The following TSPAN11 variants were observed in gnomAD, a reference collection of about 807,000 sequenced individuals.
TSPAN11 encodes the protein tetraspanin 11, also known as tetraspanin-11.
In TSPAN11, 29 loss-of-function variants were observed where a neutral mutation model predicts 32.9. That is an observed-to-expected ratio of 0.88 (90% confidence interval 0.66 to 1.20). The LOEUF (loss-of-function observed/expected upper bound fraction) is 1.20, where lower values mean the gene tolerates loss of function less well. TSPAN11 is among the 50% of genes most tolerant of loss of function. The pLI is 0.00. For synonymous variants in TSPAN11, 140 were observed against 141.3 expected (o/e 0.99, Z 0.07); for missense variants, 283 against 329.1 (o/e 0.86, Z 1.08).
chr12:30,996,885 G>C (rs909459870), downstream of TSPAN11, among the ~76,000 whole-genome samples: 2 of 152,144 alleles, frequency 1.3e-5, no homozygotes, highest in Admixed American at 6.5e-5. Flanking sequence ...TCCTCTTCAG[G>C]CTTCCTCCCT....
intron 3 of TSPAN11, among the ~76,000 whole-genome samples, chr12:30,977,533 C>T (rs1206375732): frequency 6.6e-5 from 9 of 135,458 alleles, no homozygotes; most frequent in Non-Finnish European, 1.6e-4. Context: ...ATCAGTAGTG[C>T]TCCCCCTCTC....
chr12:30,976,801 A>C (rs1309810181), intron 3 of TSPAN11, among the ~76,000 whole-genome samples: 1 of 152,202 alleles, frequency 6.6e-6, no homozygotes, highest in African/African-American at 2.4e-5. Flanking sequence ...GACCCCTGGC[A>C]TATGTGCCCC....
intron 7 of TSPAN11, among the ~76,000 whole-genome samples, chr12:30,983,553 A>ATG (rs375417406): frequency 1.3e-5 from 2 of 151,968 alleles, no homozygotes; most frequent in African/African-American, 2.4e-5. Flanking sequence ...GTGCTTGTGC[A>ATG]TGTGTGTGTG....
At chr12:30,934,096 A>G (rs1379271818) in intron 1 of TSPAN11, among the ~76,000 whole-genome samples, 4 of 152,152 alleles carry the variant, frequency 2.6e-5, no homozygotes, top group Non-Finnish European at 4.4e-5. Flanking sequence ...TGGCTTTCAG[A>G]GTCATGATTA....
intron 1 of TSPAN11, among the ~76,000 whole-genome samples, chr12:30,949,087 A>G (rs1938326378): frequency 6.6e-6 from 1 of 152,142 alleles, no homozygotes; most frequent in Non-Finnish European, 1.5e-5. Flanking sequence ...CAAGTTCCTC[A>G]TCTCCATCTG....
chr12:30,936,205 C>CCTT (rs1938041503), intron 1 of TSPAN11, among the ~76,000 whole-genome samples: 2 of 152,218 alleles, frequency 1.3e-5, no homozygotes, highest in African/African-American at 4.8e-5. Flanking sequence ...GCTCTTCCTT[C>CCTT]AAAACCCTTG....
intron 3 of TSPAN11, among the ~76,000 whole-genome samples, chr12:30,968,102 C>A (rs1041828203): frequency 2.0e-5 from 3 of 152,158 alleles, no homozygotes; most frequent in East Asian, 1.9e-4. Flanking sequence ...TTCATTTTGT[C>A]CCCTCCATGT....
In TSPAN11 at chr12:30,994,462, C is replaced by T. The variant is rs1939378426; in HGVS notation, c.*2547C>T. The T allele has an allele frequency of 6.6e-6, 1 of 152,254 alleles. No homozygotes were observed. Among genetic ancestry groups the T allele is most frequent in the African/African-American group, 2.4e-5 (1 of 41,462 alleles). The allele number at this position is 152,254 out of a possible 1,614,324, so 9.4% of individuals were successfully genotyped here. ...TGGGATCCCACCCAGCTGGCACGGGCACGTTCTTGCCCTGCACACTCCATG... is the reference window on the plus strand; with the variant it reads ...TGGGATCCCACCCAGCTGGCACGGGTACGTTCTTGCCCTGCACACTCCATG... On this transcript the variant is annotated 3_prime_UTR_variant, in exon 8 of 8. Coordinates refer to ENST00000546076, the MANE Select transcript of TSPAN11 (RefSeq NM_001370302.1).
At chr12:30,943,274 G>A (rs1810446598) in intron 1 of TSPAN11, among the ~76,000 whole-genome samples, 1 of 152,158 alleles carries the variant, frequency 6.6e-6, no homozygotes, top group Non-Finnish European at 1.5e-5. Flanking sequence ...TCTGCACAAG[G>A]AAAAGTCAAA....
intron 3 of TSPAN11, among the ~76,000 whole-genome samples, chr12:30,976,008 C>T (rs1044267742): frequency 2.0e-5 from 3 of 152,124 alleles, no homozygotes; most frequent in Non-Finnish European, 4.4e-5. Context: ...AGAAAGGAGC[C>T]GCAGGGCCCA....
chr12:30,937,393 A>C (rs962763482), intron 1 of TSPAN11, among the ~76,000 whole-genome samples: 5 of 151,732 alleles, frequency 3.3e-5, no homozygotes, highest in Admixed American at 1.3e-4. Flanking sequence ...CACAGGACTA[A>C]TTTGTTGCTT....
chr12:30,989,915 G>A (rs35078), intron 7 of TSPAN11, among the ~76,000 whole-genome samples: 11,055 of 152,206 alleles, frequency 0.073, 502 homozygotes, highest in East Asian at 0.19. Flanking sequence ...ATAGCACCAG[G>A]CACCATGTGG....
At chr12:30,959,443 G>A (rs1188937656) in intron 2 of TSPAN11, among the ~76,000 whole-genome samples, 1 of 152,194 alleles carries the variant, frequency 6.6e-6, no homozygotes, top group African/African-American at 2.4e-5. Context: ...CAGAGGCTGT[G>A]TTGCTTATCC....
the TSPAN11 span, among the ~76,000 whole-genome samples, chr12:31,007,978 A>C: frequency 6.6e-6 from 1 of 152,198 alleles, no homozygotes; most frequent in Non-Finnish European, 1.5e-5. Flanking sequence ...GAAGGGGCAG[A>C]GGCATCTTGG....
chr12:30,932,804 GA>G (rs1937960599), intron 1 of TSPAN11, among the ~76,000 whole-genome samples: 1 of 152,176 alleles, frequency 6.6e-6, no homozygotes, highest in African/African-American at 2.4e-5. Context: ...TCCTGTTTCG[GA>G]GACAAGATAG....
In TSPAN11 at chr12:30,982,669, C is replaced by G; in HGVS notation, c.594C>G (p.Pro198=). The G allele has an allele frequency of 6.3e-7, 1 of 1,591,012 alleles. No homozygotes were observed. The highest frequency in any genetic ancestry group is 1.1e-5 in the South Asian group (1 of 88,504). The change falls in exon 6 of 8, where the codon CCC becomes CCG. Residue 198 remains proline (P), a synonymous_variant. Coordinates refer to ENST00000546076, the MANE Select transcript of TSPAN11 (RefSeq NM_001370302.1). ...TGCGCTGCGGCCAGCGGGCCCACCC[C>G]TCCAACATCTATAAGGTGGAGGTGA... ...VVVRCGQRAH[P]SNIYKVEGGC...
At chr12:30,957,357 A>G (rs1938504444) in intron 2 of TSPAN11, among the ~76,000 whole-genome samples, 1 of 151,556 alleles carries the variant, frequency 6.6e-6, no homozygotes, top group African/African-American at 2.4e-5. Context: ...ACAAGTCAGG[A>G]TGAAGCCTGG....
At chr12:30,950,887 T>C (rs1056967425) in intron 1 of TSPAN11, among the ~76,000 whole-genome samples, 2 of 152,216 alleles carry the variant, frequency 1.3e-5, no homozygotes, top group Non-Finnish European at 2.9e-5. Flanking sequence ...AAGAATGGCA[T>C]TTATTAATGA....
chr12:31,011,163 G>A, the TSPAN11 span, among the ~76,000 whole-genome samples: 3 of 152,182 alleles, frequency 2.0e-5, no homozygotes, highest in Non-Finnish European at 4.4e-5. Flanking sequence ...GGAGGACGAG[G>A]AGGGCAGATC....
Sources: gnomAD v4.1 joint callset for allele counts (sites outside exome capture counted in the v4.1 genomes callset) on GRCh38, gnomAD v4.1.1 for gene constraint, MANE v1.5 for transcripts, NCBI Gene and HGNC (gene_info 2026-07-23, HGNC 2026-07-21) for gene names.